The following CSNK1E variants were observed in gnomAD, a reference collection of about 807,000 sequenced individuals.
The protein encoded by CSNK1E is casein kinase 1 epsilon.
Under a neutral mutation model 46.1 loss-of-function variants are expected in CSNK1E, and 17 were observed. That is an observed-to-expected ratio of 0.37 (90% CI 0.25 to 0.55). The LOEUF (loss-of-function observed/expected upper bound fraction) is 0.55. Ranked by LOEUF, CSNK1E falls within the 20% of genes least tolerant of loss-of-function variation. CSNK1E has a pLI of 0.82. For missense variants in CSNK1E, 386 were observed against 595.4 expected (o/e 0.65, Z 3.66); for synonymous variants, 241 against 242.6 (o/e 0.99, Z 0.06).
chr22:38,307,793 C>T (rs2092704896), intron 2 of CSNK1E, among the ~76,000 whole-genome samples: 1 of 152,162 alleles, frequency 6.6e-6, no homozygotes, highest in Non-Finnish European at 1.5e-5. Flanking sequence ...ACCTCTGGGG[C>T]GCAAGTGAGC....
At chr22:38,318,055 G>A (rs897878830), upstream of CSNK1E, 8 of 152,122 alleles carry the variant, frequency 5.3e-5, no homozygotes, top group African/African-American at 1.9e-4. Context: ...AACTGTGATG[G>A]GCACAGAGAG....
chr22:38,305,337 A>C (rs1602554767), intron 2 of CSNK1E, among the ~76,000 whole-genome samples: 1 of 151,952 alleles, frequency 6.6e-6, no homozygotes, highest in East Asian at 1.9e-4. Context: ...ATAAGAAATA[A>C]CAATGAAATG....
Position 38,300,387 on chromosome 22 carries a change from C to T in CSNK1E, c.566-322G>A, listed in dbSNP as rs781701648. On this transcript the variant is annotated intron_variant, in intron 5 of 10. Coordinates refer to ENST00000396832, the MANE Select transcript of CSNK1E (RefSeq NM_152221.3). This position sits in a 1 kb window ranked among gnomAD's most constrained non-coding sequence, Gnocchi z 4.4. The stretch of plus-strand genomic sequence containing the variant: ...CACAAGCTTCAGCATCAGACAGGGC[C>T]GGGGTCAAGTCCAGCTTTGGCATTA... Among the ~76,000 whole-genome samples, 2 of 152,186 alleles carry T rather than the reference C, an allele frequency of 1.3e-5. No individual in the cohort carries two copies. The highest frequency in any genetic ancestry group is 2.4e-5 in the African/African-American group (1 of 41,442).
chr22:38,293,221 G>C (rs2092620741), intron 10 of CSNK1E, 34 bp downstream of exon 10: 2 of 1,578,920 alleles, frequency 1.3e-6, no homozygotes, highest in Admixed American at 3.3e-5. Flanking sequence ...TAGGTCGGCT[G>C]GGCTGGCTGC....
chr22:38,293,620 C>T (rs532628829), intron 9 of CSNK1E, among the ~76,000 whole-genome samples: 3 of 152,082 alleles, frequency 2.0e-5, no homozygotes, highest in Admixed American at 6.5e-5. Flanking sequence ...GGCAGGAGGA[C>T]GAGGGCAGGG....
rs762754160 is a variant in CSNK1E, at chr22:38,302,963, G to A, written c.234C>T (p.Asn78=). 17 of 1,614,002 alleles carry A rather than the reference G, an allele frequency of 1.1e-5. No homozygotes were observed. Among genetic ancestry groups the A allele is most frequent in the African/African-American group, 5.3e-5 (4 of 74,930 alleles). Residue 78 remains asparagine, a synonymous_variant, in exon 4 of 11, where the codon AAC becomes AAT. Coordinates refer to ENST00000396832, the MANE Select transcript of CSNK1E (RefSeq NM_152221.3). ...IKWCGAEGDY[N]VMVMELLGPS... ...GCCCCAGCAGCTCCATGACCATCACGTTGTAGTCGCCCTCAGCTCCGCACC... is the reference window on the plus strand; with the variant it reads ...GCCCCAGCAGCTCCATGACCATCACATTGTAGTCGCCCTCAGCTCCGCACC...
intron 4 of CSNK1E, among the ~76,000 whole-genome samples, chr22:38,302,572 G>A (rs543689134): frequency 1.3e-5 from 2 of 152,296 alleles, no homozygotes; most frequent in East Asian, 1.9e-4. Context: ...TTAGCCCAGC[G>A]TGGTGGCAGG....
chr22:38,297,928 G>T lies in CSNK1E; in HGVS notation c.885+858C>A, dbSNP rs185178760. The stretch of plus-strand genomic sequence containing the variant: ...GTCCAGACCACAGGCCAGTAGTTTT[G>T]GGGGGACAGCTCCTCCACCTCCTCC... On this transcript the variant is annotated intron_variant, in intron 7 of 10. Transcript: ENST00000396832. 3.5e-4 allele frequency: 389 copies of T among 1,113,604 alleles called. 1 individual carries two copies. The African/African-American group carries it at 6.0e-3, about 17-fold the overall frequency. The allele number at this position is 1,113,604 out of a possible 1,614,324, so 69.0% of individuals were successfully genotyped here.
chr22:38,304,761 G>T (rs868141477), intron 2 of CSNK1E, among the ~76,000 whole-genome samples: 1 of 152,124 alleles, frequency 6.6e-6, no homozygotes, highest in South Asian at 2.1e-4. Context: ...TCCATGCGGC[G>T]GAATATTATT....
rs78676410 is a variant in CSNK1E at position 38,308,217 on chromosome 22, T to A, written c.77-4969A>T. 2.8e-3 allele frequency among the ~76,000 whole-genome samples: 424 copies of A among 152,320 alleles called. 3 individuals are homozygous for A. Among genetic ancestry groups the A allele is most frequent in the African/African-American group, 9.7e-3 (405 of 41,574 alleles). Reference sequence around the variant, plus strand: ...ATTTTTGTGTTTTGATTTTTGAGTATTTGGATTTTTAATAAAAGAAAAAGA... The same window carrying A: ...ATTTTTGTGTTTTGATTTTTGAGTAATTGGATTTTTAATAAAAGAAAAAGA... On this transcript the variant is annotated intron_variant, in intron 2 of 10. Coordinates refer to ENST00000396832, the MANE Select transcript of CSNK1E (RefSeq NM_152221.3).
intron 2 of CSNK1E, among the ~76,000 whole-genome samples, chr22:38,308,980 G>C (rs2092710072): frequency 6.6e-6 from 1 of 152,188 alleles, no homozygotes; most frequent in Non-Finnish European, 1.5e-5. Flanking sequence ...TCAGGTGTGT[G>C]ATCACAGGAT....
intron 2 of CSNK1E, among the ~76,000 whole-genome samples, chr22:38,311,948 C>A (rs2092722957): frequency 6.6e-6 from 1 of 152,096 alleles, no homozygotes; most frequent in African/African-American, 2.4e-5. Context: ...GGGATACAGG[C>A]ATGTGCCACC....
chr22:38,308,326 C>T (rs1307196574), intron 2 of CSNK1E, among the ~76,000 whole-genome samples: 1 of 152,150 alleles, frequency 6.6e-6, no homozygotes, highest in African/African-American at 2.4e-5. Context: ...CACATCAATG[C>T]TCGTCACTGG....
At chr22:38,295,642 C>T (rs2092636496) in intron 7 of CSNK1E, among the ~76,000 whole-genome samples, 1 of 152,190 alleles carries the variant, frequency 6.6e-6, no homozygotes, top group African/African-American at 2.4e-5. Context: ...CCAGAGAGGC[C>T]TTGTGACCTG....
chr22:38,296,696 A>G, intron 7 of CSNK1E: 2 of 1,610,938 alleles, frequency 1.2e-6, no homozygotes, highest in Non-Finnish European at 1.7e-6. Flanking sequence ...CCTGGTTGGA[A>G]AAGAGATCTT....
In CSNK1E at chr22:38,303,042, TCA is replaced by T; in HGVS notation, c.188-35_188-34del. 2 of 1,486,724 alleles carry T rather than the reference TCA, an allele frequency of 1.3e-6. No individual in the cohort carries two copies. Among genetic ancestry groups the T allele is most frequent in the Non-Finnish European group, 1.8e-6 (2 of 1,125,610 alleles). The allele number at this position is 1,486,724 out of a possible 1,614,324, so 92.1% of individuals were successfully genotyped here. On this transcript the variant is annotated intron_variant, in intron 3 of 10. Coordinates refer to ENST00000396832, the MANE Select transcript of CSNK1E (RefSeq NM_152221.3). The surrounding 1 kb of genome is among the most constrained non-coding windows in gnomAD (Gnocchi z 4.7). ...TCAAGCAGAGGGCCTCTGTCAGGGG[TCA>T]GAGGCAGGCAGCCAGCCACGCCCGG...
rs764428624 is a variant in CSNK1E, at chr22:38,294,385, G to A, written c.1035C>T (p.Ala345=). 27 of 1,557,764 alleles carry A rather than the reference G, an allele frequency of 1.7e-5. No individual in the cohort carries two copies. The highest frequency in any genetic ancestry group is 1.6e-4 in the African/African-American group (12 of 73,718). Residue 345 remains alanine (A), a synonymous_variant, in exon 8 of 11, where the codon GCC becomes GCT. Coordinates refer to ENST00000396832, the MANE Select transcript of CSNK1E (RefSeq NM_152221.3). This position sits in a 1 kb window ranked among gnomAD's most constrained non-coding sequence, Gnocchi z 5.5. The part of the protein sequence containing the change: ...GATANRLRSA[A]EPVASTPASR... ...AGGCTGGCGTGGAAGCCACGGGCTC[G>A]GCGGCACTGCGGAGCCGGTTGGCAG...
At chr22:38,296,067 G>A in intron 7 of CSNK1E, 2 of 687,278 alleles carry the variant, frequency 2.9e-6, no homozygotes, top group Non-Finnish European at 3.6e-6. Context: ...GAGCCCTGCA[G>A]CCAGCAGCCA....
chr22:38,314,104 C>A lies in CSNK1E; in HGVS notation c.54G>T (p.Gly18=). The A allele has an allele frequency of 1.2e-6, 2 of 1,614,116 alleles. No individual in the cohort carries two copies. The highest frequency in any genetic ancestry group is 8.5e-7 in the Non-Finnish European group (1 of 1,179,982). ...KYRLGRKIGS[G]SFGDIYLGAN... is the part of the protein sequence containing the mutation. ...TACCCAGGTAGATATCTCCGAAGGACCCGCTCCCGATCTTCCGTCCCAGGC... is the reference window on the plus strand; with the variant it reads ...TACCCAGGTAGATATCTCCGAAGGAACCGCTCCCGATCTTCCGTCCCAGGC... Residue 18 remains glycine (G), a synonymous_variant, in exon 2 of 11, where the codon GGG becomes GGT. Transcript: ENST00000396832.
Sources: allele counts gnomAD v4.1 joint callset (sites outside exome capture counted in the v4.1 genomes callset), GRCh38; gene constraint gnomAD v4.1.1; non-coding constraint Gnocchi (gnomAD v3.1); transcripts MANE v1.5; gene names NCBI Gene and HGNC (gene_info 2026-07-23, HGNC 2026-07-21).